Variants in OR56A1 observed in about 807,000 individuals in gnomAD.
OR56A1 encodes the protein olfactory receptor 56A1.
For synonymous variants in OR56A1, 174 were observed against 159.1 expected (o/e 1.09, Z -0.70); for missense variants, 360 against 380.9 (o/e 0.94, Z 0.46).
Position 6,019,538 on chromosome 11 carries a change from T to G in OR56A1, c.*7210A>C, listed in dbSNP as rs1848373158. Reference sequence around the variant, plus strand: ...TGGCAGAAGACAAGAAGGAGCAACTTACATCTTGCATGGGTGGTGGGAGGA... The same window carrying G: ...TGGCAGAAGACAAGAAGGAGCAACTGACATCTTGCATGGGTGGTGGGAGGA... On this transcript the variant is annotated 3_prime_UTR_variant, in exon 2 of 2. Coordinates refer to ENST00000641900, the MANE Select transcript of OR56A1 (RefSeq NM_001388488.1). The G allele has an allele frequency of 6.6e-6, 1 of 152,218 alleles. No individual in the cohort carries two copies. The highest frequency in any genetic ancestry group is 2.4e-5 in the African/African-American group (1 of 41,456). The allele number at this position is 152,218 out of a possible 1,614,324, so 9.4% of individuals were successfully genotyped here. A position where few individuals can be genotyped will look rare whatever the true frequency, so the allele number is the denominator to read the frequency against.
rs1291080071 is a variant in OR56A1 at position 6,021,782 on chromosome 11, T to C, written c.*4966A>G. 1.4e-5 allele frequency: 2 copies of C among 142,012 alleles called. No individual in the cohort carries two copies. The highest frequency in any genetic ancestry group is 4.1e-4 in the East Asian group (2 of 4,852). The allele number at this position is 142,012 out of a possible 1,614,324, so 8.8% of individuals were successfully genotyped here. ...ACATTGAAAACAATGATCAGGAGAG[T>C]TCCTCCTAGAGAACGCAAACAATGT... is the stretch of plus-strand genomic sequence containing the variant. On this transcript the variant is annotated 3_prime_UTR_variant, in exon 2 of 2. Coordinates refer to ENST00000641900, the MANE Select transcript of OR56A1 (RefSeq NM_001388488.1).
In OR56A1 at chr11:6,027,486, G is replaced by A. The variant is rs200532631; in HGVS notation, c.207C>T (p.Leu69=). The stretch of plus-strand genomic sequence containing the variant: ...GGCAGAGCACGATGTCCAGCAGGGA[G>A]AGGAGGCTGAGCAGGTAGTACAGGG... ...HQPLYYLLSL[L]SLLDIVLCLT... is the part of the protein sequence containing the mutation. Residue 69 remains leucine (L), a synonymous_variant, in exon 2 of 2, where the codon CTC becomes CTT. Transcript: ENST00000641900. The A allele has an allele frequency of 5.0e-6, 8 of 1,614,064 alleles. No individual in the cohort carries two copies. In the South Asian group the frequency reaches 5.5e-5, roughly 11 times the overall value.
At chr11:6,030,593 C>T (rs1200291387) in intron 1 of OR56A1, 109 bp downstream of exon 1, 1 of 152,150 alleles carries the variant, frequency 6.6e-6, no homozygotes, top group Non-Finnish European at 1.5e-5. Context: ...CTCCCTTGCT[C>T]CCTGAGCTTC....
Position 6,020,992 on chromosome 11 carries a change from A to G in OR56A1, c.*5756T>C, listed in dbSNP as rs879813600. Reference sequence around the variant, plus strand: ...AGAAGACTCACAGAAATCCAGCCTGAGAAAAAGTTAGATGATGTGTATAGC... The same window carrying G: ...AGAAGACTCACAGAAATCCAGCCTGGGAAAAAGTTAGATGATGTGTATAGC... On this transcript the variant is annotated 3_prime_UTR_variant, in exon 2 of 2. Coordinates refer to ENST00000641900, the MANE Select transcript of OR56A1 (RefSeq NM_001388488.1). The G allele has an allele frequency of 8.5e-5, 13 of 152,102 alleles. No individual in the cohort carries two copies. The highest frequency in any genetic ancestry group is 1.2e-4 in the Non-Finnish European group (8 of 67,956). 9.4% of individuals were successfully genotyped at this position (152,102 alleles called of 1,614,324 possible).
Position 6,026,623 on chromosome 11 carries a change from G to C in OR56A1, c.*125C>G. The C allele has an allele frequency of 1.6e-6, 1 of 637,900 alleles. No individual in the cohort carries two copies. The highest frequency in any genetic ancestry group is 2.7e-6 in the Non-Finnish European group (1 of 366,700). 39.5% of individuals were successfully genotyped at this position (637,900 alleles called of 1,614,324 possible). A position where few individuals can be genotyped will look rare whatever the true frequency, so the allele number is the denominator to read the frequency against. On this transcript the variant is annotated 3_prime_UTR_variant, in exon 2 of 2. Transcript: ENST00000641900. ...CAAGGAAAGTAAAGGAAGGAATCTG[G>C]TTCAGTAATGAAGGGAGCCTCAGTG...
chr11:6,029,468 T>C (rs2133608968), intron 1 of OR56A1, among the ~76,000 whole-genome samples: 1 of 152,230 alleles, frequency 6.6e-6, no homozygotes, highest in South Asian at 2.1e-4. Flanking sequence ...GCATTTACAC[T>C]CACTGTCTCC....
rs1848393444 is a variant in OR56A1, at chr11:6,021,301, T to A, written c.*5447A>T. On this transcript the variant is annotated 3_prime_UTR_variant, in exon 2 of 2. Coordinates refer to ENST00000641900, the MANE Select transcript of OR56A1 (RefSeq NM_001388488.1). ...TGTATTGATCCTACACAAATTACAA[T>A]TAGAAAGGAGAAACAAGTACTAGTG... is the stretch of plus-strand genomic sequence containing the variant. 1.3e-5 allele frequency: 2 copies of A among 151,962 alleles called. No individual in the cohort carries two copies. The highest frequency in any genetic ancestry group is 1.5e-5 in the Non-Finnish European group (1 of 67,964). 9.4% of individuals were successfully genotyped at this position (151,962 alleles called of 1,614,324 possible).
Position 6,024,062 on chromosome 11 carries a change from C to T in OR56A1, c.*2686G>A, listed in dbSNP as rs992987463. ...GAACCAGAGCAGAGAGCCAACTTTT[C>T]AAGTATGTGGTTTATCCATTTGTTA... On this transcript the variant is annotated 3_prime_UTR_variant, in exon 2 of 2. Coordinates refer to ENST00000641900, the MANE Select transcript of OR56A1 (RefSeq NM_001388488.1). The T allele has an allele frequency of 6.6e-6, 1 of 152,194 alleles. No individual in the cohort carries two copies. Among genetic ancestry groups the T allele is most frequent in the African/African-American group, 2.4e-5 (1 of 41,452 alleles). The allele number at this position is 152,194 out of a possible 1,614,324, so 9.4% of individuals were successfully genotyped here. A position where few individuals can be genotyped will look rare whatever the true frequency, so the allele number is the denominator to read the frequency against.
At chr11:6,032,522 A>G (rs1158236658), upstream of OR56A1, among the ~76,000 whole-genome samples, 2 of 152,180 alleles carry the variant, frequency 1.3e-5, no homozygotes, top group Admixed American at 6.5e-5. Context: ...TTTTGGCATT[A>G]CTGGCCCTGG....
upstream of OR56A1, chr11:6,030,817 C>G (rs1403956127): frequency 6.6e-6 from 1 of 152,034 alleles, no homozygotes; most frequent in Non-Finnish European, 1.5e-5. Context: ...TACTTTGAAC[C>G]ATCCTCATCA....
At chr11:6,033,026 A>G (rs1156454974), upstream of OR56A1, among the ~76,000 whole-genome samples, 1 of 152,032 alleles carries the variant, frequency 6.6e-6, no homozygotes, top group African/African-American at 2.4e-5. Flanking sequence ...ATTGTTTGAC[A>G]TAATCTTCAT....
rs186286170 is a variant in OR56A1 at position 6,019,666 on chromosome 11, C to A, written c.*7082G>T. On this transcript the variant is annotated 3_prime_UTR_variant, in exon 2 of 2. Coordinates refer to ENST00000641900, the MANE Select transcript of OR56A1 (RefSeq NM_001388488.1). ...AATTATGGGTGCAGGAAAGACCCAC[C>A]CCCATAATTAAATTGCCTCCCAATT... 2.6e-5 allele frequency: 4 copies of A among 152,048 alleles called. No individual in the cohort carries two copies. The East Asian group carries it at 5.8e-4, about 22-fold the overall frequency. The allele number at this position is 152,048 out of a possible 1,614,324, so 9.4% of individuals were successfully genotyped here. A position where few individuals can be genotyped will look rare whatever the true frequency, so the allele number is the denominator to read the frequency against.
Position 6,027,712 on chromosome 11 carries a change from G to A in OR56A1, c.-20C>T, listed in dbSNP as rs1333090993. ...CGCCATAGGCTGAATCATGAGCTGAGTAGGCTTCTGATGACTATGTTTATG... is the reference window on the plus strand; with the variant it reads ...CGCCATAGGCTGAATCATGAGCTGAATAGGCTTCTGATGACTATGTTTATG... On this transcript the variant is annotated 5_prime_UTR_variant, in exon 2 of 2. Coordinates refer to ENST00000641900, the MANE Select transcript of OR56A1 (RefSeq NM_001388488.1). 28 of 1,533,764 alleles carry A rather than the reference G, an allele frequency of 1.8e-5. No homozygotes were observed. The highest frequency in any genetic ancestry group is 2.1e-5 in the Non-Finnish European group (24 of 1,135,674).
rs1177708440 is a variant in OR56A1, at chr11:6,024,329, A to G, written c.*2419T>C. 6.6e-6 allele frequency: 1 copy of G among 152,198 alleles called. No individual in the cohort carries two copies. The highest frequency in any genetic ancestry group is 2.4e-5 in the African/African-American group (1 of 41,432). 9.4% of individuals were successfully genotyped at this position (152,198 alleles called of 1,614,324 possible). ...TCTATCCCTATGTACACCCAGTTTG[A>G]GTCAAGCATCTCATAATTGTGTTGG... On this transcript the variant is annotated 3_prime_UTR_variant, in exon 2 of 2. Transcript: ENST00000641900.
upstream of OR56A1, among the ~76,000 whole-genome samples, chr11:6,033,053 C>T (rs1260843210): frequency 6.6e-6 from 1 of 152,124 alleles, no homozygotes; most frequent in Non-Finnish European, 1.5e-5. Flanking sequence ...TCATGCTCCT[C>T]AGATGACATT....
chr11:6,028,547 C>A (rs965201636), intron 1 of OR56A1, among the ~76,000 whole-genome samples: 2 of 152,042 alleles, frequency 1.3e-5, no homozygotes, highest in Admixed American at 6.5e-5. Flanking sequence ...CTCAACTTTT[C>A]AAAATAAAAT....
At position 6,027,324 on chromosome 11, in the gene OR56A1, A is replaced by G; in HGVS notation, c.369T>C (p.Tyr123=). ...MESCTFMVMA[Y]DRYVAICHPL... is the part of the protein sequence containing the mutation. The stretch of plus-strand genomic sequence containing the variant: ...GGTGGCAGATGGCCACATAACGGTC[A>G]TAGGCCATGACCATAAACGTGCAGG... The change falls in exon 2 of 2, where the codon TAT becomes TAC. Residue 123 remains tyrosine, a synonymous_variant. Transcript: ENST00000641900. 6.2e-7 allele frequency: 1 copy of G among 1,614,256 alleles called. No individual in the cohort carries two copies. Among genetic ancestry groups the G allele is most frequent in the Non-Finnish European group, 8.5e-7 (1 of 1,180,048 alleles).
upstream of OR56A1, among the ~76,000 whole-genome samples, chr11:6,033,469 G>T (rs558762336): frequency 5.3e-5 from 8 of 151,316 alleles, no homozygotes; most frequent in African/African-American, 1.9e-4. Context: ...TTAATTTAAT[G>T]TCAGAAGTAC....
chr11:6,029,478 C>G (rs983571728), intron 1 of OR56A1, among the ~76,000 whole-genome samples: 2 of 152,124 alleles, frequency 1.3e-5, no homozygotes, highest in Non-Finnish European at 2.9e-5. Context: ...TCACTGTCTC[C>G]ATTCCCTCAC....
Sources: allele counts gnomAD v4.1 joint callset (sites outside exome capture counted in the v4.1 genomes callset), GRCh38; gene constraint gnomAD v4.1.1; transcripts MANE v1.5; gene names NCBI Gene and HGNC (gene_info 2026-07-23, HGNC 2026-07-21).